The following GABRG3 variants were observed in gnomAD, a reference collection of about 807,000 sequenced individuals.
The protein encoded by GABRG3 is gamma-aminobutyric acid type A receptor subunit gamma3, also known as gamma-aminobutyric acid receptor subunit gamma-3.
A neutral mutation model predicts 48.8 loss-of-function variants in GABRG3; 25 were observed. The ratio of observed to expected loss-of-function variants is 0.51; its 90% CI spans 0.37 to 0.72. GABRG3 has a LOEUF of 0.72. GABRG3 is among the 30% of genes least tolerant of loss of function. GABRG3 has a pLI of 0.00. For missense variants in GABRG3, 394 were observed against 577.9 expected, an observed-to-expected ratio of 0.68 and a Z score of 3.26; for synonymous variants, 227 against 217.6, an observed-to-expected ratio of 1.04 and a Z score of -0.38.
chr15:27,477,734 A>G (rs1159808758), intron 5 of GABRG3, among the ~76,000 whole-genome samples: 1 of 152,154 alleles, frequency 6.6e-6, no homozygotes. Flanking sequence ...ACACTCGAAA[A>G]TAAATTCTAT....
chr15:27,356,409 C>G (rs967009615), intron 5 of GABRG3, among the ~76,000 whole-genome samples: 1 of 152,184 alleles, frequency 6.6e-6, no homozygotes, highest in African/African-American at 2.4e-5. Context: ...CCTTTGGCAG[C>G]TATTTTTTGA....
intron 3 of GABRG3, among the ~76,000 whole-genome samples, chr15:27,308,770 TTATA>T (rs1235630775): frequency 2.0e-5 from 3 of 150,034 alleles, no homozygotes; most frequent in African/African-American, 4.8e-5. Flanking sequence ...AAACATACGT[TTATA>T]TATAAAACAC....
Position 27,381,539 on chromosome 15 carries a change from G to A in GABRG3, c.574+52651G>A, listed in dbSNP as rs370318164. Among the ~76,000 whole-genome samples the A allele has an allele frequency of 1.6e-4, 25 of 152,282 alleles. No homozygotes were observed. In the South Asian group the frequency reaches 2.9e-3, roughly 18 times the overall value. On this transcript the variant is annotated intron_variant, in intron 5 of 9. Coordinates refer to ENST00000615808, the MANE Select transcript of GABRG3 (RefSeq NM_033223.5). Reference sequence around the variant, plus strand: ...GTTTTCTCACCCCAGTGCTGGCTGCGGAAGAGATTCCTGCTTGTGGGCTTC... The same window carrying A: ...GTTTTCTCACCCCAGTGCTGGCTGCAGAAGAGATTCCTGCTTGTGGGCTTC...
chr15:27,185,653 A>G (rs1165890736), intron 3 of GABRG3, among the ~76,000 whole-genome samples: 1 of 151,964 alleles, frequency 6.6e-6, no homozygotes, highest in African/African-American at 2.4e-5. Flanking sequence ...AATGATAGCT[A>G]TAAATTTGTA....
chr15:27,284,478 G>A (rs947073028), intron 3 of GABRG3, among the ~76,000 whole-genome samples: 12 of 152,180 alleles, frequency 7.9e-5, no homozygotes, highest in Non-Finnish European at 1.8e-4. Context: ...GACATTTTCT[G>A]TGTGTAACCT....
chr15:27,229,319 T>C (rs1889723631), intron 3 of GABRG3, among the ~76,000 whole-genome samples: 1 of 152,160 alleles, frequency 6.6e-6, no homozygotes, highest in African/African-American at 2.4e-5. Context: ...CCCAGTTATA[T>C]CATTTATTGC....
At chr15:27,403,920 A>C (rs1371717695) in intron 5 of GABRG3, among the ~76,000 whole-genome samples, 7 of 130,220 alleles carry the variant, frequency 5.4e-5, no homozygotes, top group Admixed American at 2.2e-4. Flanking sequence ...AAAACAAAAA[A>C]AAAAAAAACA....
chr15:27,096,996 A>G lies in GABRG3; in HGVS notation c.270+70175A>G, dbSNP rs1358254842. Among the ~76,000 whole-genome samples, 3 of 141,848 alleles carry G rather than the reference A, an allele frequency of 2.1e-5. No homozygotes were observed. In the East Asian group the frequency reaches 6.3e-4, roughly 30 times the overall value. The allele number at this position is 141,848 out of a possible 152,430, so 93.1% of individuals were successfully genotyped here. ...GCTGGGATTAAAGGAACATGCCACC[A>G]TACCCGGCTATTTTTTTTTTTTTTT... On this transcript the variant is annotated intron_variant, in intron 3 of 9. Coordinates refer to ENST00000615808, the MANE Select transcript of GABRG3 (RefSeq NM_033223.5).
intron 5 of GABRG3, among the ~76,000 whole-genome samples, chr15:27,354,472 GT>G (rs1894771289): frequency 6.6e-6 from 1 of 152,122 alleles, no homozygotes; most frequent in Admixed American, 6.5e-5. Context: ...GGCACCACCC[GT>G]CCCCAATCTT....
At chr15:27,001,890 T>TTTTTTTTTTTG (rs1445244974) in intron 2 of GABRG3, among the ~76,000 whole-genome samples, 4 of 148,178 alleles carry the variant, frequency 2.7e-5, no homozygotes, top group Non-Finnish European at 6.0e-5. Flanking sequence ...ATAACTCAGT[T>TTTTTTTTTTTG]TTTTTTTTTT....
rs1057124374 is a variant in GABRG3 at position 27,539,824 on chromosome 15, A to G, written c.*6943A>G. On this transcript the variant is annotated 3_prime_UTR_variant, in exon 10 of 10. Transcript: ENST00000615808. ...AGAGGAAAAAAAGAAAAAATGTTGC[A>G]TTCTTAAGCAATTAAAGACTCCTTC... The G allele has an allele frequency of 6.6e-6, 1 of 152,192 alleles. No individual in the cohort carries two copies. The highest frequency in any genetic ancestry group is 6.5e-5 in the Admixed American group (1 of 15,282). The allele number at this position is 152,192 out of a possible 1,614,324, so 9.4% of individuals were successfully genotyped here.
At chr15:27,479,588 T>C (rs1219364314) in intron 5 of GABRG3, among the ~76,000 whole-genome samples, 1 of 152,226 alleles carries the variant, frequency 6.6e-6, no homozygotes, top group Non-Finnish European at 1.5e-5. Flanking sequence ...TTCAACCACT[T>C]TATTAATATG....
At chr15:27,305,587 T>TATAAAC (rs1309917784) in intron 3 of GABRG3, among the ~76,000 whole-genome samples, 1 of 143,596 alleles carries the variant, frequency 7.0e-6, no homozygotes, top group Non-Finnish European at 1.5e-5. Context: ...TAAACATATA[T>TATAAAC]ATAATATAAA....
At chr15:27,250,116 G>C (rs572496964) in intron 3 of GABRG3, among the ~76,000 whole-genome samples, 1 of 151,968 alleles carries the variant, frequency 6.6e-6, no homozygotes, top group Non-Finnish European at 1.5e-5. Context: ...GTGCTCTGTC[G>C]CCTCTGCTGG....
chr15:27,442,203 C>T (rs1250239480), intron 5 of GABRG3, among the ~76,000 whole-genome samples: 1 of 152,134 alleles, frequency 6.6e-6, no homozygotes, highest in Non-Finnish European at 1.5e-5. Flanking sequence ...CCAAGCCGGG[C>T]TCTTGGTCTC....
chr15:27,513,322 C>T (rs1455844601), intron 6 of GABRG3, among the ~76,000 whole-genome samples: 6 of 151,700 alleles, frequency 4.0e-5, no homozygotes, highest in Non-Finnish European at 8.8e-5. Context: ...TGGTGGTGGG[C>T]GCCTGTAGTC....
chr15:27,242,052 C>T (rs1890143052), intron 3 of GABRG3, among the ~76,000 whole-genome samples: 1 of 152,222 alleles, frequency 6.6e-6, no homozygotes, highest in Non-Finnish European at 1.5e-5. Context: ...TCCCTCAGAG[C>T]TCTGCTGTGT....
intron 2 of GABRG3, among the ~76,000 whole-genome samples, chr15:27,016,240 CT>C (rs34202673): frequency 1.1e-3 from 151 of 140,654 alleles, no homozygotes; most frequent in East Asian, 1.4e-3. Context: ...TTCTTTCTTT[CT>C]TTTTTTTTTT....
chr15:27,430,696 A>C (rs939986051), intron 5 of GABRG3, among the ~76,000 whole-genome samples: 4 of 152,272 alleles, frequency 2.6e-5, no homozygotes, highest in Admixed American at 6.5e-5. Flanking sequence ...CTTGTCAAAA[A>C]TGAATTGACT....
Sources: allele counts gnomAD v4.1 joint callset (sites outside exome capture counted in the v4.1 genomes callset), GRCh38; gene constraint gnomAD v4.1.1; transcripts MANE v1.5; gene names NCBI Gene and HGNC (gene_info 2026-07-23, HGNC 2026-07-21).